The following NOTCH1 variants were observed in gnomAD, a reference collection of about 807,000 sequenced individuals.
NOTCH1 encodes notch receptor 1.
Under a neutral mutation model 254.8 loss-of-function variants are expected in NOTCH1, and 37 were observed. That is an observed-to-expected ratio of 0.15 (90% CI 0.11 to 0.19). The LOEUF (loss-of-function observed/expected upper bound fraction) is 0.19. Ranked by LOEUF, NOTCH1 falls within the 10% of genes least tolerant of loss-of-function variation. The probability of loss-of-function intolerance (pLI) is 1.00; values close to 1 mark genes in which losing one functional copy is unlikely to be tolerated. For missense variants in NOTCH1, 2,972 were observed against 3,708.6 expected (o/e 0.80, Z 5.16); for synonymous variants, 1,731 against 1,618.1 (o/e 1.07, Z -1.68).
In NOTCH1 at chr9:136,545,908, C is replaced by G. The variant is rs1843809289; in HGVS notation, c.-122G>C. ...CGGCGGACGGTCCCGCCCTCTCTTC[C>G]CCGGCTGGCTGGCGGCGCTGTGCTC... On this transcript the variant is annotated 5_prime_UTR_variant, in exon 1 of 34. Coordinates refer to ENST00000651671, the MANE Select transcript of NOTCH1 (RefSeq NM_017617.5). This position sits in a 1 kb window ranked among gnomAD's most constrained non-coding sequence, Gnocchi z 6.8. 2.9e-6 allele frequency: 1 copy of G among 346,944 alleles called. No individual in the cohort carries two copies. Among genetic ancestry groups the G allele is most frequent in the Admixed American group, 5.7e-5 (1 of 17,454 alleles). The allele number at this position is 346,944 out of a possible 1,614,324, so 21.5% of individuals were successfully genotyped here.
In NOTCH1 at chr9:136,545,580, A is replaced by T; in HGVS notation, c.61+146T>A. 1 of 559,522 alleles carries T rather than the reference A, an allele frequency of 1.8e-6. No individual in the cohort carries two copies. Among genetic ancestry groups the T allele is most frequent in the South Asian group, 2.3e-5 (1 of 43,654 alleles). The allele number at this position is 559,522 out of a possible 1,614,324, so 34.7% of individuals were successfully genotyped here. A position where few individuals can be genotyped will look rare whatever the true frequency, so the allele number is the denominator to read the frequency against. ...GTCCTCCCTGATCCCGGGACTCCAG[A>T]ACCCCACGCCCCGGGCCGCCCGCTT... On this transcript the variant is annotated intron_variant, in intron 1 of 33. Transcript: ENST00000651671. This position sits in a 1 kb window ranked among gnomAD's most constrained non-coding sequence, Gnocchi z 6.8.
chr9:136,525,583 C>G (rs1411842772), intron 2 of NOTCH1, among the ~76,000 whole-genome samples: 1 of 152,202 alleles, frequency 6.6e-6, no homozygotes, highest in Non-Finnish European at 1.5e-5. Context: ...CGGAGCCCAC[C>G]TGGGTGCGGG....
intron 31 of NOTCH1, among the ~76,000 whole-genome samples, 176 bp downstream of exon 31, chr9:136,500,376 G>A (rs1429581388): frequency 2.6e-5 from 4 of 152,222 alleles, no homozygotes; most frequent in Admixed American, 6.5e-5. Context: ...AGATGGGCCC[G>A]ACGCCCTCCC....
In NOTCH1 at chr9:136,502,265, C is replaced by T. The variant is rs374235818; in HGVS notation, c.5384+7G>A. The T allele has an allele frequency of 1.4e-5, 23 of 1,610,856 alleles. No individual in the cohort carries two copies. The highest frequency in any genetic ancestry group is 1.0e-4 in the Admixed American group (6 of 59,906). On this transcript the variant is annotated splice_region_variant and intron_variant, in intron 28 of 33. Transcript: ENST00000651671. ...GGGACCCAGAAGCAGGGGCGGCGTC[C>T]GCTCACTTGAGGCCCACGGAGTCCT... is the stretch of plus-strand genomic sequence containing the variant.
intron 26 of NOTCH1, among the ~76,000 whole-genome samples, chr9:136,504,210 T>A (rs980041775): frequency 2.6e-5 from 4 of 152,332 alleles, no homozygotes; most frequent in Non-Finnish European, 4.4e-5. Flanking sequence ...AATACTTTTT[T>A]AAAAAAAACA....
Position 136,506,916 on chromosome 9 carries a change from C to T in NOTCH1, c.3701G>A (p.Arg1234Gln), listed in dbSNP as rs773926521. The T allele has an allele frequency of 1.1e-5, 17 of 1,611,362 alleles. No individual in the cohort carries two copies. Among genetic ancestry groups the T allele is most frequent in the African/African-American group, 4.0e-5 (3 of 74,886 alleles). The change falls in exon 23 of 34, where the codon CGG becomes CAG. Residue 1234 changes from arginine to glutamine, a missense_variant. Transcript: ENST00000651671. The surrounding 1 kb of genome is among the most constrained non-coding windows in gnomAD (Gnocchi z 4.5). ...GCCGTTGTTAAAGCACTTGGGGCTCCGGGACACGGGGTCAACGGGGGGATT... is the reference window on the plus strand; with the variant it reads ...GCCGTTGTTAAAGCACTTGGGGCTCTGGGACACGGGGTCAACGGGGGGATT... ...DCNPPVDPVS[R>Q]SPKCFNNGTC...
At chr9:136,509,502 G>A (rs1242857184) in intron 18 of NOTCH1, among the ~76,000 whole-genome samples, 4 of 152,246 alleles carry the variant, frequency 2.6e-5, no homozygotes, top group Non-Finnish European at 5.9e-5. Context: ...AAGCGCACCA[G>A]TTCTTCAGGA....
chr9:136,513,191 G>C lies in NOTCH1; in HGVS notation c.2354-57C>G, dbSNP rs2133358290. 6.0e-6 allele frequency: 9 copies of C among 1,505,478 alleles called. No homozygotes were observed. Among genetic ancestry groups the C allele is most frequent in the Middle Eastern group, 3.4e-4 (2 of 5,848 alleles). The allele number at this position is 1,505,478 out of a possible 1,614,324, so 93.3% of individuals were successfully genotyped here. A position where few individuals can be genotyped will look rare whatever the true frequency, so the allele number is the denominator to read the frequency against. On this transcript the variant is annotated intron_variant, in intron 14 of 33. Coordinates refer to ENST00000651671, the MANE Select transcript of NOTCH1 (RefSeq NM_017617.5). This position sits in a 1 kb window ranked among gnomAD's most constrained non-coding sequence, Gnocchi z 4.7. ...CAGCACTCCCAGGCACCTTGGCAGGGCCCCACAACAGCAGCCCTGGGCCTG... is the reference window on the plus strand; with the variant it reads ...CAGCACTCCCAGGCACCTTGGCAGGCCCCCACAACAGCAGCCCTGGGCCTG...
intron 2 of NOTCH1, among the ~76,000 whole-genome samples, chr9:136,539,901 C>A (rs2133400866): frequency 6.6e-6 from 1 of 152,248 alleles, no homozygotes; most frequent in African/African-American, 2.4e-5. Context: ...GCCTGAGCCT[C>A]CTTCCTCTTC....
Position 136,515,327 on chromosome 9 carries a change from G to A in NOTCH1, c.1977C>T (p.Ile659=), listed in dbSNP as rs766577980. ...GCTCACAGGCACACTCGTAGCCATC[G>A]ATCTTGTCCAGACAGGTGCCCGAGT... ...PCDSGTCLDK[I]DGYECACEPG... The change falls in exon 12 of 34, where the codon ATC becomes ATT. Residue 659 remains isoleucine, a synonymous_variant. Transcript: ENST00000651671. The A allele has an allele frequency of 3.7e-6, 6 of 1,612,910 alleles. No homozygotes were observed. The highest frequency in any genetic ancestry group is 1.3e-5 in the African/African-American group (1 of 74,942).
In NOTCH1 at chr9:136,503,163, G is replaced by A. The variant is rs751046078; in HGVS notation, c.5167+19C>T. 64 of 1,612,432 alleles carry A rather than the reference G, an allele frequency of 4.0e-5. No individual in the cohort carries two copies. Among genetic ancestry groups the A allele is most frequent in the Middle Eastern group, 1.6e-4 (1 of 6,084 alleles). On this transcript the variant is annotated intron_variant, in intron 27 of 33. Transcript: ENST00000651671. ...CCCCCTGCAGGCAGAGCCTGTTCCC[G>A]GGATGGGGCCACACTTACTCTGCAC...
intron 1 of NOTCH1, among the ~76,000 whole-genome samples, chr9:136,544,812 T>G (rs565214959): frequency 6.6e-6 from 1 of 151,798 alleles, no homozygotes. Context: ...AGGAGGGGGA[T>G]GAAGGTCCCC....
At chr9:136,524,546 C>T (rs926397376) in intron 2 of NOTCH1, among the ~76,000 whole-genome samples, 25 of 152,014 alleles carry the variant, frequency 1.6e-4, no homozygotes, top group Non-Finnish European at 3.5e-4. Flanking sequence ...TAACAAAGGC[C>T]GTGGTTTTTC....
intron 2 of NOTCH1, among the ~76,000 whole-genome samples, chr9:136,527,584 G>A (rs186908757): frequency 1.6e-4 from 25 of 152,314 alleles, no homozygotes; most frequent in Admixed American, 1.6e-3. Flanking sequence ...GCTTGAGATA[G>A]GGAACGCCAG....
chr9:136,536,728 A>C (rs1031586807), intron 2 of NOTCH1, among the ~76,000 whole-genome samples: 1 of 152,226 alleles, frequency 6.6e-6, no homozygotes, highest in Non-Finnish European at 1.5e-5. Context: ...GGAGGCCATG[A>C]AGGCTGCAGT....
chr9:136,533,267 ACT>A (rs1225564956), intron 2 of NOTCH1, among the ~76,000 whole-genome samples: 8 of 132,796 alleles, frequency 6.0e-5, no homozygotes, highest in South Asian at 3.1e-4. Flanking sequence ...CAAGGGGGGG[ACT>A]CTGGCCCAGC....
At position 136,505,157 on chromosome 9, in the gene NOTCH1, G is replaced by A. The variant is rs1020858241; in HGVS notation, c.4587-53C>T. Reference sequence around the variant, plus strand: ...GCCTTCCTCGGGGGGCCTCGCACCCGCCGTCCGGTGCCTCCAGCCCACTGG... The same window carrying A: ...GCCTTCCTCGGGGGGCCTCGCACCCACCGTCCGGTGCCTCCAGCCCACTGG... On this transcript the variant is annotated intron_variant, in intron 25 of 33. Coordinates refer to ENST00000651671, the MANE Select transcript of NOTCH1 (RefSeq NM_017617.5). 9.9e-5 allele frequency: 155 copies of A among 1,561,076 alleles called. 1 individual carries two copies. Among genetic ancestry groups the A allele is most frequent in the South Asian group, 8.9e-4 (78 of 87,692 alleles).
rs958050514 is a variant in NOTCH1 at position 136,500,463 on chromosome 9, C to G, written c.5934+89G>C. Reference sequence around the variant, plus strand: ...GGACTCAGCTGTGCTCGGGGTCAGGCTCCCAGGGCCACGTAAGCCTGGCCA... The same window carrying G: ...GGACTCAGCTGTGCTCGGGGTCAGGGTCCCAGGGCCACGTAAGCCTGGCCA... On this transcript the variant is annotated intron_variant, in intron 31 of 33. Transcript: ENST00000651671. 5 of 1,524,310 alleles carry G rather than the reference C, an allele frequency of 3.3e-6. No individual in the cohort carries two copies. In the African/African-American group the frequency reaches 6.8e-5, roughly 21 times the overall value. The allele number at this position is 1,524,310 out of a possible 1,614,324, so 94.4% of individuals were successfully genotyped here. A position where few individuals can be genotyped will look rare whatever the true frequency, so the allele number is the denominator to read the frequency against.
At chr9:136,533,318 G>C (rs754343056) in intron 2 of NOTCH1, among the ~76,000 whole-genome samples, 2 of 47,332 alleles carry the variant, frequency 4.2e-5, no homozygotes, top group Non-Finnish European at 7.5e-5. Context: ...CTGAGCTCAA[G>C]CATCTCTTAC....
Sources: gnomAD v4.1 joint callset for allele counts (sites outside exome capture counted in the v4.1 genomes callset) on GRCh38, gnomAD v4.1.1 for gene constraint, Gnocchi (gnomAD v3.1) non-coding constraint, MANE v1.5 for transcripts, NCBI Gene and HGNC (gene_info 2026-07-23, HGNC 2026-07-21) for gene names.